OXR1: variants seen among roughly 807,000 people sequenced by gnomAD.
OXR1 encodes oxidation resistance protein 1.
A neutral mutation model predicts 104.6 loss-of-function variants in OXR1; 41 were observed. The ratio of observed to expected loss-of-function variants is 0.39; its 90% CI spans 0.31 to 0.51. OXR1 has a LOEUF of 0.51. Ranked by LOEUF, OXR1 falls within the 20% of genes least tolerant of loss-of-function variation. The pLI, the probability that OXR1 is intolerant of heterozygous loss-of-function variation, is 0.77. For synonymous variants in OXR1, 348 were observed against 348.4 expected, an observed-to-expected ratio of 1.00 and a Z score of 0.01; for missense variants, 955 against 1,031.9, an observed-to-expected ratio of 0.93 and a Z score of 1.02.
At chr8:106,537,337 A>G (rs1814612350) in intron 3 of OXR1, among the ~76,000 whole-genome samples, 1 of 152,160 alleles carries the variant, frequency 6.6e-6, no homozygotes, top group Non-Finnish European at 1.5e-5. Context: ...CAGTGGAGCA[A>G]AGAGAGTGAG....
At chr8:106,373,732 A>G (rs1188707677) in intron 2 of OXR1, among the ~76,000 whole-genome samples, 1 of 152,008 alleles carries the variant, frequency 6.6e-6, no homozygotes, top group Non-Finnish European at 1.5e-5. Flanking sequence ...TGGGACTACA[A>G]GTGTGTGCCA....
At chr8:106,277,933 C>T (rs910183153) in intron 1 of OXR1, among the ~76,000 whole-genome samples, 1 of 152,254 alleles carries the variant, frequency 6.6e-6, no homozygotes, top group Middle Eastern at 3.4e-3. Flanking sequence ...AGTGTGTTTT[C>T]CCATAGAAAA....
At chr8:106,518,587 T>C (rs1813027663) in intron 2 of OXR1, among the ~76,000 whole-genome samples, 1 of 152,200 alleles carries the variant, frequency 6.6e-6, no homozygotes, top group South Asian at 2.1e-4. Context: ...TAACATTTAT[T>C]TTTAACTAAT....
At chr8:106,397,856 G>A (rs1370691506) in intron 2 of OXR1, among the ~76,000 whole-genome samples, 3 of 152,118 alleles carry the variant, frequency 2.0e-5, no homozygotes, top group Non-Finnish European at 4.4e-5. Context: ...CAACAAAAAT[G>A]TATTGTCTCA....
intron 1 of OXR1, among the ~76,000 whole-genome samples, chr8:106,274,736 C>G (rs1372680226): frequency 2.0e-5 from 3 of 152,034 alleles, no homozygotes; most frequent in Non-Finnish European, 4.4e-5. Flanking sequence ...CAAAGGCAAC[C>G]TCAGTTTCTC....
chr8:106,541,629 G>T (rs1272130923), intron 3 of OXR1, among the ~76,000 whole-genome samples: 1 of 152,092 alleles, frequency 6.6e-6, no homozygotes, highest in South Asian at 2.1e-4. Flanking sequence ...TTGCTTACCA[G>T]TACCTCGCCA....
chr8:106,734,790 G>A (rs1375823425), intron 11 of OXR1, among the ~76,000 whole-genome samples: 1 of 152,174 alleles, frequency 6.6e-6, no homozygotes, highest in Non-Finnish European at 1.5e-5. Context: ...GTCAAAGACT[G>A]AAAAGACTAG....
chr8:106,597,220 G>T (rs74912266), intron 3 of OXR1, among the ~76,000 whole-genome samples: 12 of 152,052 alleles, frequency 7.9e-5, no homozygotes, highest in South Asian at 4.1e-4. Context: ...TGAGCCTTTG[G>T]GGGGGTGATT....
At chr8:106,452,082 A>G (rs1820345420) in intron 2 of OXR1, among the ~76,000 whole-genome samples, 1 of 152,340 alleles carries the variant, frequency 6.6e-6, no homozygotes, top group African/African-American at 2.4e-5. Flanking sequence ...AACATAGTCT[A>G]GCTCCTAACT....
intron 3 of OXR1, among the ~76,000 whole-genome samples, chr8:106,622,825 T>C (rs1376022951): frequency 6.6e-6 from 1 of 152,202 alleles, no homozygotes; most frequent in Non-Finnish European, 1.5e-5. Context: ...ACAAACATTA[T>C]AAAAAATGAA....
intron 11 of OXR1, among the ~76,000 whole-genome samples, chr8:106,730,377 G>A (rs1208422377): frequency 2.6e-5 from 4 of 151,922 alleles, no homozygotes; most frequent in Non-Finnish European, 5.9e-5. Flanking sequence ...AATTCCCTGT[G>A]CCACAGCTAT....
intron 3 of OXR1, among the ~76,000 whole-genome samples, chr8:106,602,628 A>G (rs1276554582): frequency 1.3e-5 from 2 of 152,132 alleles, no homozygotes; most frequent in African/African-American, 2.4e-5. Context: ...TTAATATTCT[A>G]TTTTACCAAA....
intron 2 of OXR1, among the ~76,000 whole-genome samples, chr8:106,363,600 T>C (rs1259615568): frequency 6.6e-6 from 1 of 152,074 alleles, no homozygotes; most frequent in Non-Finnish European, 1.5e-5. Flanking sequence ...TGTATGATAC[T>C]TTGCCATCTT....
At chr8:106,644,419 C>A (rs1823908755) in intron 3 of OXR1, among the ~76,000 whole-genome samples, 1 of 152,136 alleles carries the variant, frequency 6.6e-6, no homozygotes, top group Non-Finnish European at 1.5e-5. Context: ...TTCTGTGATG[C>A]CAAATGAACC....
intron 9 of OXR1, among the ~76,000 whole-genome samples, chr8:106,708,493 C>T (rs1399833718): frequency 1.3e-5 from 2 of 152,152 alleles, no homozygotes; most frequent in Admixed American, 1.3e-4. Context: ...CTGAATTTAA[C>T]TACTCTAGAT....
chr8:106,706,645 A>T lies in OXR1; in HGVS notation c.1124A>T (p.Gln375Leu). Residue 375 changes from glutamine (Q) to leucine (L), a missense_variant, in exon 9 of 17, where the codon CAG (glutamine) becomes CTG (leucine). Around this residue, in one of 2 missense-constraint regions of OXR1, gnomAD observed 849 missense variants for 852.9 expected, o/e 1.00. Transcript: ENST00000517566. ...ASSESVQTVN[Q>L]AEVESLTVKS... The stretch of plus-strand genomic sequence containing the variant: ...TCAGAATCTGTGCAAACTGTCAATC[A>T]GGCTGAAGTAGAAAGTCTGACAGTC... 1 of 1,613,626 alleles carries T rather than the reference A, an allele frequency of 6.2e-7. No individual in the cohort carries two copies.
chr8:106,639,177 T>C (rs960856881), intron 3 of OXR1, among the ~76,000 whole-genome samples: 3 of 152,192 alleles, frequency 2.0e-5, no homozygotes, highest in Non-Finnish European at 4.4e-5. Context: ...TTCTGACTGG[T>C]TGCTATGAAT....
intron 2 of OXR1, among the ~76,000 whole-genome samples, chr8:106,412,164 G>C (rs1033157783): frequency 6.6e-6 from 1 of 152,110 alleles, no homozygotes; most frequent in Admixed American, 6.6e-5. Context: ...TGAGATACTA[G>C]TGTTTCTAAC....
intron 2 of OXR1, among the ~76,000 whole-genome samples, chr8:106,388,406 C>T (rs1272325963): frequency 6.6e-6 from 1 of 151,746 alleles, no homozygotes; most frequent in Non-Finnish European, 1.5e-5. Flanking sequence ...GCCCCAAGGT[C>T]TCACAGGACT....
Sources: allele counts gnomAD v4.1 joint callset (sites outside exome capture counted in the v4.1 genomes callset), GRCh38; gene constraint gnomAD v4.1.1; regional missense constraint gnomAD v4.1.1; transcripts MANE v1.5; gene names NCBI Gene and HGNC (gene_info 2026-07-23, HGNC 2026-07-21).